Variants in SNRPA1 observed in about 807,000 individuals in gnomAD.
SNRPA1 encodes U2 small nuclear ribonucleoprotein A'.
A neutral mutation model predicts 32.3 loss-of-function variants in SNRPA1; 5 were observed. The ratio of observed to expected loss-of-function variants is 0.15; its 90% CI spans 0.08 to 0.33. SNRPA1 has a LOEUF of 0.33. Ranked by LOEUF, SNRPA1 falls within the 10% of genes least tolerant of loss-of-function variation. The pLI, the probability that SNRPA1 is intolerant of heterozygous loss-of-function variation, is 1.00. For missense variants in SNRPA1, 198 were observed against 311.1 expected, an observed-to-expected ratio of 0.64 and a Z score of 2.74; for synonymous variants, 111 against 120.1, an observed-to-expected ratio of 0.92 and a Z score of 0.50.
At chr15:101,294,032 G>A (rs995888855) in intron 1 of SNRPA1, among the ~76,000 whole-genome samples, 5 of 152,190 alleles carry the variant, frequency 3.3e-5, no homozygotes, top group Admixed American at 2.0e-4. Context: ...TCGGGAGTTC[G>A]AGACCAGCCT....
chr15:101,283,154 C>T (rs2039415432), intron 8 of SNRPA1, among the ~76,000 whole-genome samples: 1 of 152,216 alleles, frequency 6.6e-6, no homozygotes, highest in Admixed American at 6.5e-5. Flanking sequence ...ATTTAGGCTG[C>T]TGCCTTGACT....
rs148855687 is a variant in SNRPA1, at chr15:101,291,983, G to T, written c.288C>A (p.Thr96=). 8.1e-6 allele frequency: 13 copies of T among 1,611,848 alleles called. No individual in the cohort carries two copies. The highest frequency in any genetic ancestry group is 1.0e-5 in the Non-Finnish European group (12 of 1,178,392). The change falls in exon 3 of 9, where the codon ACC becomes ACA. Residue 96 remains threonine (T), a synonymous_variant. Coordinates refer to ENST00000254193, the MANE Select transcript of SNRPA1 (RefSeq NM_003090.4). The part of the protein sequence containing the change: ...ALPCLTELIL[T]NNSLVELGDL... ...TTACCAGTTCCACGAGACTATTATT[G>T]GTGAGAATGAGTTCTGTCAGACAGG...
intron 8 of SNRPA1, among the ~76,000 whole-genome samples, chr15:101,282,478 T>C (rs1310664581): frequency 6.6e-6 from 1 of 152,266 alleles, no homozygotes; most frequent in Non-Finnish European, 1.5e-5. Context: ...TTTAACAGCC[T>C]GTGCAGATAA....
intron 5 of SNRPA1, 162 bp downstream of exon 5, chr15:101,286,744 ACT>A: frequency 5.4e-6 from 3 of 558,874 alleles, no homozygotes. Context: ...TCTATCATAA[ACT>A]CTGCTATTAG....
chr15:101,286,066 T>G lies in SNRPA1; in HGVS notation c.539+148A>C, dbSNP rs751805276. The G allele has an allele frequency of 8.4e-4, 577 of 687,126 alleles. 5 individuals are homozygous for G. In the Middle Eastern group the frequency reaches 0.011, roughly 13 times the overall value. The allele number at this position is 687,126 out of a possible 1,614,324, so 42.6% of individuals were successfully genotyped here. On this transcript the variant is annotated intron_variant, in intron 6 of 8. Transcript: ENST00000254193. ...GAAATTTCTTGTGATGTGTGGACCA[T>G]TGATGTACATGGACTATAAGCACTC...
intron 4 of SNRPA1, 78 bp from the exon 5 acceptor site, chr15:101,287,088 A>C (rs1567124899): frequency 1.5e-6 from 1 of 656,040 alleles, no homozygotes; most frequent in Non-Finnish European, 2.7e-6. Flanking sequence ...TAGTCTAAGG[A>C]ACCTATAAAT....
chr15:101,283,712 G>A (rs144127586), intron 8 of SNRPA1, among the ~76,000 whole-genome samples: 1,570 of 152,208 alleles, frequency 0.01, 26 homozygotes, highest in African/African-American at 0.036. Flanking sequence ...TTGGGAAGAC[G>A]AGGCAGGTGG....
rs1390070781 is a variant in SNRPA1 at position 101,281,683 on chromosome 15, T to G, written c.*41A>C. The G allele has an allele frequency of 6.8e-7, 1 of 1,476,814 alleles. No individual in the cohort carries two copies. 91.5% of individuals were successfully genotyped at this position (1,476,814 alleles called of 1,614,324 possible). A position where few individuals can be genotyped will look rare whatever the true frequency, so the allele number is the denominator to read the frequency against. On this transcript the variant is annotated 3_prime_UTR_variant, in exon 9 of 9. Transcript: ENST00000254193. ...TTATACCATGTTCGAAAAGCAAGAC[T>G]TGTTCCAAGAGGGCCTATTATTATA...
At chr15:101,286,591 T>C in intron 5 of SNRPA1, 1 of 467,098 alleles carries the variant, frequency 2.1e-6, no homozygotes. Flanking sequence ...CACACGGAGC[T>C]GCACGAAAGT....
rs1215159337 is a variant in SNRPA1 at position 101,287,084 on chromosome 15, A to C, written c.357-74T>G. The C allele has an allele frequency of 5.9e-6, 4 of 676,844 alleles. No individual in the cohort carries two copies. The Admixed American group carries it at 7.5e-5, about 13-fold the overall frequency. The allele number at this position is 676,844 out of a possible 1,614,324, so 41.9% of individuals were successfully genotyped here. Reference sequence around the variant, plus strand: ...CTCAAGAGGTCTGTTTGAATAGTCTAAGGAACCTATAAATCAAGGGAACAT... The same window carrying C: ...CTCAAGAGGTCTGTTTGAATAGTCTCAGGAACCTATAAATCAAGGGAACAT... On this transcript the variant is annotated intron_variant, in intron 4 of 8. Coordinates refer to ENST00000254193, the MANE Select transcript of SNRPA1 (RefSeq NM_003090.4).
At chr15:101,285,673 G>T in intron 7 of SNRPA1, 53 bp downstream of exon 7, 1 of 1,207,546 alleles carries the variant, frequency 8.3e-7, no homozygotes, top group African/African-American at 1.5e-5. Flanking sequence ...CCAGCTTTGT[G>T]TTCTGAACCC....
At chr15:101,281,905 G>GCAGCA in intron 8 of SNRPA1, 123 bp from the exon 9 acceptor site, 1 of 880,216 alleles carries the variant, frequency 1.1e-6, no homozygotes, top group Non-Finnish European at 1.9e-6. Flanking sequence ...AAGATCAAAA[G>GCAGCA]CAGCACCTGC....
At position 101,286,765 on chromosome 15, in the gene SNRPA1, G is replaced by A. The variant is rs2039459388; in HGVS notation, c.459+143C>T. 5 of 581,378 alleles carry A rather than the reference G, an allele frequency of 8.6e-6. No individual in the cohort carries two copies. In the South Asian group the frequency reaches 1.0e-4, roughly 12 times the overall value. 36.0% of individuals were successfully genotyped at this position (581,378 alleles called of 1,614,324 possible). A position where few individuals can be genotyped will look rare whatever the true frequency, so the allele number is the denominator to read the frequency against. On this transcript the variant is annotated intron_variant, in intron 5 of 8. Coordinates refer to ENST00000254193, the MANE Select transcript of SNRPA1 (RefSeq NM_003090.4). ...ATAAACTCTGCTATTAGAAAAAAAT[G>A]TGATGTAACATTTTCCCTCCCACTT...
chr15:101,281,521 G>A lies in SNRPA1; in HGVS notation c.*203C>T, dbSNP rs2141303508. The A allele has an allele frequency of 1.8e-6, 1 of 545,178 alleles. No individual in the cohort carries two copies. The highest frequency in any genetic ancestry group is 5.1e-4 in the Middle Eastern group (1 of 1,970). 33.8% of individuals were successfully genotyped at this position (545,178 alleles called of 1,614,324 possible). On this transcript the variant is annotated 3_prime_UTR_variant, in exon 9 of 9. Coordinates refer to ENST00000254193, the MANE Select transcript of SNRPA1 (RefSeq NM_003090.4). ...TGATGACACACAACTTGGTAGCATAGTGAGTGGAGTTTATTTTTATAATTT... is the reference window on the plus strand; with the variant it reads ...TGATGACACACAACTTGGTAGCATAATGAGTGGAGTTTATTTTTATAATTT...
At chr15:101,286,809 A>G in intron 5 of SNRPA1, 99 bp downstream of exon 5, 1 of 643,460 alleles carries the variant, frequency 1.6e-6, no homozygotes, top group Non-Finnish European at 2.8e-6. Flanking sequence ...AACTAATGGT[A>G]AAATTTACTC....
chr15:101,287,134 G>C (rs1441836812), intron 4 of SNRPA1, 124 bp from the exon 5 acceptor site: 7 of 530,792 alleles, frequency 1.3e-5, no homozygotes, highest in Admixed American at 3.5e-5. Flanking sequence ...TTGCAACATT[G>C]TAACAATTTA....
At chr15:101,287,142 T>C in intron 4 of SNRPA1, 132 bp from the exon 5 acceptor site, 1 of 526,346 alleles carries the variant, frequency 1.9e-6, no homozygotes, top group Admixed American at 3.6e-5. Context: ...TTGTAACAAT[T>C]TAACATTAAG....
chr15:101,285,750 A>G lies in SNRPA1; in HGVS notation c.591T>C (p.Ser197=). 1 of 1,613,824 alleles carries G rather than the reference A, an allele frequency of 6.2e-7. No individual in the cohort carries two copies. The highest frequency in any genetic ancestry group is 1.1e-5 in the South Asian group (1 of 91,082). ...LPTDKKKGGP[S]PGDVEAIKNA... ...CCTTGATTGCTTCTACATCCCCTGG[A>G]GATGGCCCACCTTTCTTTTTGTCAG... Residue 197 remains serine (S), a synonymous_variant, in exon 7 of 9, where the codon TCT becomes TCC. Coordinates refer to ENST00000254193, the MANE Select transcript of SNRPA1 (RefSeq NM_003090.4).
At chr15:101,289,463 CAGA>C (rs1460211298) in intron 3 of SNRPA1, among the ~76,000 whole-genome samples, 6 of 152,094 alleles carry the variant, frequency 3.9e-5, no homozygotes, top group Non-Finnish European at 7.4e-5. Flanking sequence ...AATGGAATGA[CAGA>C]AGGAGAGCAT....
Sources: gnomAD v4.1 joint callset for allele counts (sites outside exome capture counted in the v4.1 genomes callset) on GRCh38, gnomAD v4.1.1 for gene constraint, MANE v1.5 for transcripts, NCBI Gene and HGNC (gene_info 2026-07-23, HGNC 2026-07-21) for gene names.